The following PTPN3 variants were observed in gnomAD, a reference collection of about 807,000 sequenced individuals.
PTPN3 encodes protein tyrosine phosphatase non-receptor type 3.
PTPN3 carries 96 observed loss-of-function variants against 132.7 expected under a neutral mutation model. The observed-to-expected ratio is 0.72, with a 90% CI of 0.61 to 0.86. The LOEUF (loss-of-function observed/expected upper bound fraction) is 0.86, where lower values mean the gene tolerates loss of function less well. Among genes scored for constraint, PTPN3 ranks in the 40% least tolerant of loss-of-function variants. The pLI is 0.00. For synonymous variants in PTPN3, 398 were observed against 429.0 expected (o/e 0.93, Z 0.89); for missense variants, 1,125 against 1,159.6 (o/e 0.97, Z 0.43).
At chr9:109,534,276 G>A in the PTPN3 span, 31 of 1,535,774 alleles carry the variant, frequency 2.0e-5, 1 homozygote, top group Non-Finnish European at 2.7e-5. Flanking sequence ...CGCTGAGGGC[G>A]GGGGGCGGCG....
chr9:109,418,994 C>T (rs1842712145), intron 14 of PTPN3, among the ~76,000 whole-genome samples: 1 of 152,214 alleles, frequency 6.6e-6, no homozygotes, highest in African/African-American at 2.4e-5. Context: ...TCACGCATGC[C>T]TGCACTCCTG....
At chr9:109,496,032 C>G (rs182886781) in intron 1 of PTPN3, among the ~76,000 whole-genome samples, 87 of 152,382 alleles carry the variant, frequency 5.7e-4, no homozygotes, top group Non-Finnish European at 1.1e-3. Context: ...ATAAATGCCT[C>G]AGCTACTCTG....
At chr9:109,474,513 T>G (rs1379477371) in intron 1 of PTPN3, among the ~76,000 whole-genome samples, 1 of 151,948 alleles carries the variant, frequency 6.6e-6, no homozygotes, top group African/African-American at 2.4e-5. Context: ...GTGGGGTGGG[T>G]GTCAGGACCG....
At position 109,478,982 on chromosome 9, in the gene PTPN3, G is replaced by C. The variant is rs533287306; in HGVS notation, c.-17-15531C>G. Reference sequence around the variant, plus strand: ...TTTTCTTTTTCTTTTCTTTTTTTCTGTTCTTTTAAATCTCCGGTAAACAAG... The same window carrying C: ...TTTTCTTTTTCTTTTCTTTTTTTCTCTTCTTTTAAATCTCCGGTAAACAAG... On this transcript the variant is annotated intron_variant, in intron 1 of 25. Coordinates refer to ENST00000374541, the MANE Select transcript of PTPN3 (RefSeq NM_002829.4). Among the ~76,000 whole-genome samples the C allele has an allele frequency of 3.9e-4, 58 of 148,228 alleles. No individual in the cohort carries two copies. The South Asian group carries it at 4.7e-3, about 12-fold the overall frequency.
In PTPN3 at chr9:109,410,364, G is replaced by A. The variant is rs1343173935; in HGVS notation, c.1365C>T (p.Ser455=). The change falls in exon 15 of 26, where the codon TCC becomes TCT. Residue 455 remains serine, a synonymous_variant. Coordinates refer to ENST00000374541, the MANE Select transcript of PTPN3 (RefSeq NM_002829.4). The part of the protein sequence containing the change: ...PAQSYLTQKS[S]SSVSPSSNAP... The stretch of plus-strand genomic sequence containing the variant: ...CATTTGAAGATGGAGACACAGAACT[G>A]GATGACTTCTGGGTCAGGTAGCTTT... The A allele has an allele frequency of 4.3e-6, 7 of 1,614,038 alleles. No individual in the cohort carries two copies. Among genetic ancestry groups the A allele is most frequent in the Non-Finnish European group, 5.9e-6 (7 of 1,180,036 alleles).
rs141912757 is a variant in PTPN3, at chr9:109,426,210, A to G, written c.1001+740T>C. Among the ~76,000 whole-genome samples, 1,292 of 149,720 alleles carry G rather than the reference A, an allele frequency of 8.6e-3. 18 individuals carry two copies. The highest frequency in any genetic ancestry group is 0.03 in the African/African-American group (1,222 of 41,120). ...ATGTATATACGAATTATATATATCA[A>G]TGTACATCCATTTCTTTTACTGTAC... On this transcript the variant is annotated intron_variant, in intron 12 of 25. Coordinates refer to ENST00000374541, the MANE Select transcript of PTPN3 (RefSeq NM_002829.4).
intron 18 of PTPN3, among the ~76,000 whole-genome samples, chr9:109,405,819 C>CA (rs1248123502): frequency 1.2e-4 from 18 of 152,224 alleles, no homozygotes; most frequent in African/African-American, 4.1e-4. Flanking sequence ...CTCCTGACCT[C>CA]AAGTGATACA....
chr9:109,526,297 C>G, the PTPN3 span, among the ~76,000 whole-genome samples: 80,766 of 151,144 alleles, frequency 0.53, 22,630 homozygotes, highest in East Asian at 0.85. Context: ...ACTTTAAATT[C>G]ATCTGCAGTT....
At chr9:109,411,328 G>A (rs1007916466) in intron 14 of PTPN3, among the ~76,000 whole-genome samples, 7 of 152,170 alleles carry the variant, frequency 4.6e-5, no homozygotes, top group Non-Finnish European at 1.0e-4. Context: ...TTAGCAGACA[G>A]AAACCTGACC....
At chr9:109,534,356 C>T in the PTPN3 span, 2 of 1,497,732 alleles carry the variant, frequency 1.3e-6, no homozygotes, top group East Asian at 2.5e-5. Context: ...GTGACTGGGG[C>T]CGGCTGCGGC....
chr9:109,467,147 CT>C (rs1365626060), intron 1 of PTPN3, among the ~76,000 whole-genome samples: 2 of 152,148 alleles, frequency 1.3e-5, no homozygotes. Flanking sequence ...GATGCATTTT[CT>C]GAGTAATACA....
intron 19 of PTPN3, among the ~76,000 whole-genome samples, chr9:109,401,636 G>C (rs1200120886): frequency 2.0e-5 from 3 of 152,150 alleles, no homozygotes; most frequent in African/African-American, 7.2e-5. Flanking sequence ...AGCCCACAGC[G>C]CCTCCTTGTG....
chr9:109,516,669 G>C, the PTPN3 span, among the ~76,000 whole-genome samples: 1 of 152,130 alleles, frequency 6.6e-6, no homozygotes, highest in African/African-American at 2.4e-5. Context: ...GTAAGAAGGG[G>C]AGTAACACAT....
At chr9:109,455,057 G>A (rs1232449484) in intron 4 of PTPN3, among the ~76,000 whole-genome samples, 1 of 152,146 alleles carries the variant, frequency 6.6e-6, no homozygotes, top group African/African-American at 2.4e-5. Context: ...GAGGTGACTT[G>A]CCTTAGGTCA....
chr9:109,412,766 C>A (rs1049462926), intron 14 of PTPN3, among the ~76,000 whole-genome samples: 3 of 152,108 alleles, frequency 2.0e-5, no homozygotes, highest in Non-Finnish European at 2.9e-5. Context: ...ACTGGCCTCC[C>A]TAAGCGCTGG....
chr9:109,463,393 A>G lies in PTPN3; in HGVS notation c.42T>C (p.Asn14=). The change falls in exon 2 of 26, where the codon AAT becomes AAC. Residue 14 remains asparagine (N), a synonymous_variant. Coordinates refer to ENST00000374541, the MANE Select transcript of PTPN3 (RefSeq NM_002829.4). Reference sequence around the variant, plus strand: ...CTTTGGGTAACTCCGAGGTGCGTATATTATTAATTCTTCCACCCAACGCAC... The same window carrying G: ...CTTTGGGTAACTCCGAGGTGCGTATGTTATTAATTCTTCCACCCAACGCAC... ...RLRALGGRIN[N]IRTSELPKEK... 6.2e-7 allele frequency: 1 copy of G among 1,612,870 alleles called. No individual in the cohort carries two copies. The highest frequency in any genetic ancestry group is 8.5e-7 in the Non-Finnish European group (1 of 1,179,764).
chr9:109,520,018 G>A, the PTPN3 span, among the ~76,000 whole-genome samples: 1 of 152,122 alleles, frequency 6.6e-6, no homozygotes, highest in Non-Finnish European at 1.5e-5. Flanking sequence ...AATTAGCCAG[G>A]CGTGGTGGTG....
intron 23 of PTPN3, chr9:109,383,157 AATCATATTCC>A (rs1482100979): frequency 3.8e-6 from 2 of 522,336 alleles, no homozygotes; most frequent in Non-Finnish European, 6.9e-6. Context: ...TTAAAGGCTG[AATCATATTCC>A]ATTGTATGGA....
intron 22 of PTPN3, among the ~76,000 whole-genome samples, chr9:109,386,272 G>A (rs1277555677): frequency 6.6e-6 from 1 of 152,178 alleles, no homozygotes; most frequent in Non-Finnish European, 1.5e-5. Flanking sequence ...GGATTCTAAC[G>A]ATGGATAACA....
Sources: allele counts gnomAD v4.1 joint callset (sites outside exome capture counted in the v4.1 genomes callset), GRCh38; gene constraint gnomAD v4.1.1; transcripts MANE v1.5; gene names NCBI Gene and HGNC (gene_info 2026-07-23, HGNC 2026-07-21).